The following GHR variants were observed in gnomAD, a reference collection of about 807,000 sequenced individuals.
GHR encodes growth hormone receptor, also known as GH receptor.
A neutral mutation model predicts 67.1 loss-of-function variants in GHR; 35 were observed. The ratio of observed to expected loss-of-function variants is 0.52; its 90% confidence interval spans 0.40 to 0.69. The LOEUF is 0.69. Among genes scored for constraint, GHR ranks in the 30% least tolerant of loss-of-function variants. The pLI, the probability that GHR is intolerant of heterozygous loss-of-function variation, is 0.00. For missense variants in GHR, 792 were observed against 764.6 expected, an observed-to-expected ratio of 1.04 and a Z score of -0.42; for synonymous variants, 272 against 269.1, an observed-to-expected ratio of 1.01 and a Z score of -0.10.
At chr5:42,681,726 G>T (rs1422378622) in intron 3 of GHR, among the ~76,000 whole-genome samples, 2 of 152,046 alleles carry the variant, frequency 1.3e-5, no homozygotes, top group Admixed American at 6.6e-5. Context: ...CACAAGTTCA[G>T]GAGATCGAGA....
chr5:42,582,497 A>T (rs1288511690), intron 2 of GHR, among the ~76,000 whole-genome samples: 2 of 152,112 alleles, frequency 1.3e-5, no homozygotes, highest in Non-Finnish European at 2.9e-5. Context: ...CTGTACTGTC[A>T]CTCAGTAAAG....
chr5:42,480,395 T>C (rs1417509053), intron 1 of GHR, among the ~76,000 whole-genome samples: 1 of 152,238 alleles, frequency 6.6e-6, no homozygotes, highest in Non-Finnish European at 1.5e-5. Flanking sequence ...TGTAGATGTC[T>C]ATTAGGTCCA....
At chr5:42,470,421 G>A (rs1272305023) in intron 1 of GHR, among the ~76,000 whole-genome samples, 4 of 151,914 alleles carry the variant, frequency 2.6e-5, no homozygotes, top group Non-Finnish European at 5.9e-5. Flanking sequence ...ATTTCAGTTA[G>A]CCAAAGGTGA....
At chr5:42,681,298 G>A (rs1756855556) in intron 3 of GHR, among the ~76,000 whole-genome samples, 1 of 149,788 alleles carries the variant, frequency 6.7e-6, no homozygotes, top group Admixed American at 6.6e-5. Context: ...GTGGGCAAAG[G>A]ATATAAACAG....
At chr5:42,512,199 A>C (rs746733452) in intron 1 of GHR, among the ~76,000 whole-genome samples, 6 of 152,188 alleles carry the variant, frequency 3.9e-5, no homozygotes, top group Non-Finnish European at 7.3e-5. Context: ...GGTGCTGGAC[A>C]AGGCTTCACA....
intron 2 of GHR, among the ~76,000 whole-genome samples, chr5:42,582,374 C>T (rs967084960): frequency 6.6e-6 from 1 of 152,196 alleles, no homozygotes; most frequent in African/African-American, 2.4e-5. Flanking sequence ...GACCAATAAG[C>T]ACACCCTTCC....
chr5:42,644,812 T>C (rs73095773), intron 3 of GHR, among the ~76,000 whole-genome samples: 2,010 of 152,244 alleles, frequency 0.013, 36 homozygotes, highest in African/African-American at 0.045. Flanking sequence ...AATTAAACCA[T>C]ATTTTCTATT....
At chr5:42,431,809 G>A (rs1307223692) in intron 1 of GHR, among the ~76,000 whole-genome samples, 2 of 152,164 alleles carry the variant, frequency 1.3e-5, no homozygotes, top group Non-Finnish European at 2.9e-5. Context: ...CACTTCACAG[G>A]GATTCAGTAC....
intron 2 of GHR, among the ~76,000 whole-genome samples, chr5:42,601,611 A>G (rs566891034): frequency 1.8e-4 from 28 of 152,324 alleles, no homozygotes; most frequent in African/African-American, 6.3e-4. Context: ...TTCTTATTAA[A>G]GCATTAATGC....
intron 2 of GHR, among the ~76,000 whole-genome samples, chr5:42,617,384 TTACACACACACACA>T (rs1426016840): frequency 4.8e-4 from 42 of 87,752 alleles, no homozygotes; most frequent in Admixed American, 2.9e-3. Context: ...GAAGTTCATT[TTACACACACACACA>T]CACACACACA....
intron 3 of GHR, among the ~76,000 whole-genome samples, chr5:42,649,036 A>C (rs1754885271): frequency 6.6e-6 from 1 of 152,224 alleles, no homozygotes; most frequent in African/African-American, 2.4e-5. Flanking sequence ...GAGTATTTGA[A>C]AAATGGAACT....
chr5:42,424,368 C>T lies in GHR; in HGVS notation c.-12+413C>T, dbSNP rs1012200472. ...TCATAAAAGTTTTGCTAGTGTGTTT[C>T]TGTTTGCCATCATCTGCCTGGCTGC... On this transcript the variant is annotated intron_variant, in intron 1 of 9. Coordinates refer to ENST00000230882, the MANE Select transcript of GHR (RefSeq NM_000163.5). The surrounding 1 kb of genome is among the most constrained non-coding windows in gnomAD (Gnocchi z 4.1). The T allele has an allele frequency of 2.2e-5, 13 of 594,266 alleles. No individual in the cohort carries two copies. Among genetic ancestry groups the T allele is most frequent in the Non-Finnish European group, 3.3e-5 (11 of 333,024 alleles). The allele number at this position is 594,266 out of a possible 1,614,324, so 36.8% of individuals were successfully genotyped here.
intron 3 of GHR, among the ~76,000 whole-genome samples, chr5:42,666,952 C>T (rs946562645): frequency 3.2e-4 from 49 of 152,104 alleles, no homozygotes; most frequent in Admixed American, 2.5e-3. Flanking sequence ...GGTGAAAAGT[C>T]GTAGGTTTCC....
chr5:42,569,804 C>T (rs1750176525), intron 2 of GHR, among the ~76,000 whole-genome samples: 1 of 152,038 alleles, frequency 6.6e-6, no homozygotes, highest in African/African-American at 2.4e-5. Context: ...GTGTGGCTTG[C>T]AGGCAAAGCA....
chr5:42,479,755 G>A (rs1011776729), intron 1 of GHR, among the ~76,000 whole-genome samples: 112 of 151,968 alleles, frequency 7.4e-4, no homozygotes, highest in Middle Eastern at 3.4e-3. Flanking sequence ...TTTTTATTGC[G>A]TCTATTTGAT....
chr5:42,494,271 G>A (rs1404877351), intron 1 of GHR, among the ~76,000 whole-genome samples: 1 of 152,046 alleles, frequency 6.6e-6, no homozygotes. Flanking sequence ...TGGCTAATTA[G>A]AAGTGATTTT....
intron 1 of GHR, among the ~76,000 whole-genome samples, chr5:42,476,995 T>C (rs1745358396): frequency 6.6e-6 from 1 of 151,862 alleles, no homozygotes; most frequent in Admixed American, 6.6e-5. Context: ...ACTCGTCATT[T>C]AGCGTTAGGT....
chr5:42,647,404 C>T (rs1163995441), intron 3 of GHR, among the ~76,000 whole-genome samples: 2 of 151,896 alleles, frequency 1.3e-5, no homozygotes, highest in South Asian at 2.1e-4. Context: ...GAAACCCCTT[C>T]TCTAATAAAA....
chr5:42,491,325 G>A (rs1262371527), intron 1 of GHR, among the ~76,000 whole-genome samples: 5 of 152,158 alleles, frequency 3.3e-5, no homozygotes. Context: ...AATATAAGCT[G>A]AGGAAACAAA....
Sources: allele counts gnomAD v4.1 joint callset (sites outside exome capture counted in the v4.1 genomes callset), GRCh38; gene constraint gnomAD v4.1.1; non-coding constraint Gnocchi (gnomAD v3.1); transcripts MANE v1.5; gene names NCBI Gene and HGNC (gene_info 2026-07-23, HGNC 2026-07-21).